CAPN13: variants seen among roughly 807,000 people sequenced by gnomAD.
CAPN13 encodes the protein calpain-13.
Under a neutral mutation model 98.4 loss-of-function variants are expected in CAPN13, and 90 were observed. That is an observed-to-expected ratio of 0.92 (90% confidence interval 0.77 to 1.09). The LOEUF (loss-of-function observed/expected upper bound fraction) is 1.09. Among genes scored for constraint, CAPN13 ranks in the 50% least tolerant of loss-of-function variants. The probability of loss-of-function intolerance (pLI) is 0.00; values close to 1 mark genes in which losing one functional copy is unlikely to be tolerated. For synonymous variants in CAPN13, 330 were observed against 305.5 expected, an observed-to-expected ratio of 1.08 and a Z score of -0.84; for missense variants, 887 against 841.3, an observed-to-expected ratio of 1.05 and a Z score of -0.67.
chr2:30,743,603 A>G (rs761013921), intron 12 of CAPN13, 24 bp from the exon 13 acceptor site: 1 of 1,612,000 alleles, frequency 6.2e-7, no homozygotes, highest in Non-Finnish European at 8.5e-7. Context: ...AAACACAATG[A>G]TTGTGAGAAA....
At chr2:30,770,267 A>G (rs555597577) in intron 5 of CAPN13, 46 bp downstream of exon 5, 2 of 1,602,672 alleles carry the variant, frequency 1.2e-6, no homozygotes, top group Non-Finnish European at 1.7e-6. Context: ...GGTAGGCAGG[A>G]CCAGCACTGA....
chr2:30,749,167 C>T (rs1672057312), intron 11 of CAPN13, among the ~76,000 whole-genome samples: 1 of 152,200 alleles, frequency 6.6e-6, no homozygotes, highest in South Asian at 2.1e-4. Flanking sequence ...ACAGGTTGAG[C>T]ATCCTTAACC....
chr2:30,740,625 G>T (rs1350045974), intron 15 of CAPN13, among the ~76,000 whole-genome samples: 1 of 152,264 alleles, frequency 6.6e-6, no homozygotes, highest in Non-Finnish European at 1.5e-5. Flanking sequence ...CATGTATCTG[G>T]CAGAATGCCA....
At chr2:30,727,534 A>G (rs1670899709) in intron 22 of CAPN13, among the ~76,000 whole-genome samples, 1 of 152,218 alleles carries the variant, frequency 6.6e-6, no homozygotes, top group African/African-American at 2.4e-5. Flanking sequence ...CGAAGATATA[A>G]AATAACCCAC....
At chr2:30,779,888 C>G (rs1452824115) in intron 2 of CAPN13, among the ~76,000 whole-genome samples, 1 of 152,096 alleles carries the variant, frequency 6.6e-6, no homozygotes, top group Non-Finnish European at 1.5e-5. Context: ...ACCACAATTA[C>G]TTTTGCACCA....
chr2:30,759,069 T>TTCCTTC (rs1558315421), intron 7 of CAPN13, among the ~76,000 whole-genome samples: 4 of 11,188 alleles, frequency 3.6e-4, no homozygotes, highest in East Asian at 3.5e-3. Context: ...CCTCCCTCCC[T>TTCCTTC]CCTCCCTCCC....
chr2:30,734,359 G>T, intron 19 of CAPN13, 90 bp downstream of exon 19: 1 of 959,812 alleles, frequency 1.0e-6, no homozygotes, highest in Non-Finnish European at 1.7e-6. Flanking sequence ...TGATTGCCTG[G>T]CACTGTTGTG....
At chr2:30,743,754 T>C in intron 12 of CAPN13, 175 bp from the exon 13 acceptor site, 1 of 708,374 alleles carries the variant, frequency 1.4e-6, no homozygotes, top group Non-Finnish European at 2.6e-6. Flanking sequence ...GTGTTTAGCC[T>C]GTCATTTCAT....
intron 1 of CAPN13, among the ~76,000 whole-genome samples, chr2:30,797,288 C>T (rs72867193): frequency 0.014 from 2,069 of 152,212 alleles, 47 homozygotes; most frequent in African/African-American, 0.047. Flanking sequence ...GTTTCCCTAC[C>T]GCCAAGATTA....
In CAPN13 at chr2:30,731,422, T is replaced by G. The variant is rs756659552; in HGVS notation, c.1928-23A>C. The G allele has an allele frequency of 3.1e-6, 5 of 1,601,346 alleles. No homozygotes were observed. The South Asian group carries it at 4.5e-5, about 14-fold the overall frequency. On this transcript the variant is annotated intron_variant, in intron 20 of 22. Transcript: ENST00000295055. ...TCTCTAGGATAAAGAAGGGAAGGTT[T>G]TGACTGACTGAGGAGGAAGGAATCC...
chr2:30,742,329 C>T lies in CAPN13; in HGVS notation c.1476G>A (p.Met492Ile), dbSNP rs1286493296. ...RHLSSHFNLRMKGSPSEHGSQ... is the reference protein window; with the variant it reads ...RHLSSHFNLRIKGSPSEHGSQ... ...CCAAACCTTGCTGCATACCTACCTT[C>T]ATTCTGAGGTTGAAATGGCTGCTCA... Residue 492 changes from methionine (M) to isoleucine (I), a missense_variant, in exon 14 of 23, where the codon ATG (methionine) becomes ATA (isoleucine). Met to Ile is a conservative substitution (Grantham distance 10). Coordinates refer to ENST00000295055, the MANE Select transcript of CAPN13 (RefSeq NM_144575.3). 6.2e-7 allele frequency: 1 copy of T among 1,603,920 alleles called. No individual in the cohort carries two copies. The highest frequency in any genetic ancestry group is 8.5e-7 in the Non-Finnish European group (1 of 1,175,170).
chr2:30,723,471 C>G (rs558783512), intron 22 of CAPN13, among the ~76,000 whole-genome samples: 4 of 152,130 alleles, frequency 2.6e-5, no homozygotes, highest in South Asian at 2.1e-4. Context: ...GGCACCCCCC[C>G]ACCTGTCCTG....
intron 22 of CAPN13, among the ~76,000 whole-genome samples, chr2:30,726,724 T>C (rs1419380261): frequency 6.6e-6 from 1 of 151,992 alleles, no homozygotes; most frequent in East Asian, 1.9e-4. Flanking sequence ...TTAAAGAAGA[T>C]ATAGAAAAAT....
At chr2:30,780,702 C>T (rs947583880) in intron 2 of CAPN13, among the ~76,000 whole-genome samples, 1 of 152,210 alleles carries the variant, frequency 6.6e-6, no homozygotes, top group Non-Finnish European at 1.5e-5. Flanking sequence ...GGCACAAAAG[C>T]AGCTTCTATG....
chr2:30,758,468 C>A (rs944121091), intron 7 of CAPN13, among the ~76,000 whole-genome samples: 2 of 152,146 alleles, frequency 1.3e-5, no homozygotes, highest in Admixed American at 1.3e-4. Context: ...TTGCTTCGGG[C>A]TGCAGAGAAT....
At chr2:30,806,957 A>G (rs560518941) in intron 1 of CAPN13, among the ~76,000 whole-genome samples, 4 of 152,358 alleles carry the variant, frequency 2.6e-5, no homozygotes, top group South Asian at 2.1e-4. Flanking sequence ...TCTGCCATCA[A>G]TGTGTCCCTT....
intron 10 of CAPN13, among the ~76,000 whole-genome samples, chr2:30,752,649 T>A (rs1322791451): frequency 2.0e-5 from 3 of 152,162 alleles, no homozygotes; most frequent in Admixed American, 6.5e-5. Context: ...ACCAATTATG[T>A]TTCCAGCATC....
At chr2:30,728,888 G>A (rs1670956039) in intron 22 of CAPN13, among the ~76,000 whole-genome samples, 1 of 152,204 alleles carries the variant, frequency 6.6e-6, no homozygotes, top group Non-Finnish European at 1.5e-5. Context: ...GGGAGAGTGG[G>A]AAGTGAGAAT....
intron 4 of CAPN13, among the ~76,000 whole-genome samples, chr2:30,772,525 C>T (rs992637311): frequency 5.3e-5 from 8 of 152,218 alleles, no homozygotes; most frequent in Non-Finnish European, 1.2e-4. Context: ...CCAATGCTGG[C>T]ACCCTGGGAC....
Sources: allele counts gnomAD v4.1 joint callset (sites outside exome capture counted in the v4.1 genomes callset), GRCh38; gene constraint gnomAD v4.1.1; transcripts MANE v1.5; gene names NCBI Gene and HGNC (gene_info 2026-07-23, HGNC 2026-07-21).